The following HMCN1 variants were observed in gnomAD, a reference collection of about 807,000 sequenced individuals.
The protein encoded by HMCN1 is hemicentin 1, also known as hemicentin-1.
HMCN1 carries 321 observed loss-of-function variants against 625.9 expected under a neutral mutation model. That is an observed-to-expected ratio of 0.51 (90% CI 0.47 to 0.56). HMCN1 has a LOEUF of 0.56. HMCN1 is among the 20% of genes least tolerant of loss of function. HMCN1 has a pLI of 0.00. For synonymous variants in HMCN1, 2,425 were observed against 2,417.6 expected (o/e 1.00, Z -0.09); for missense variants, 6,588 against 6,887.3 (o/e 0.96, Z 1.54).
At chr1:186,142,705 C>A (rs1650045710) in intron 89 of HMCN1, among the ~76,000 whole-genome samples, 1 of 151,866 alleles carries the variant, frequency 6.6e-6, no homozygotes, top group Non-Finnish European at 1.5e-5. Flanking sequence ...TCTTGAAGTC[C>A]AATTCTAGTT....
At chr1:185,918,444 GCCCA>G (rs1666838261) in intron 6 of HMCN1, among the ~76,000 whole-genome samples, 1 of 152,100 alleles carries the variant, frequency 6.6e-6, no homozygotes, top group South Asian at 2.1e-4. Flanking sequence ...GCTAGATAGT[GCCCA>G]CCCACCTTGA....
rs769253279 is a variant in HMCN1 at position 186,007,203 on chromosome 1, AAATGAC to A, written c.4554_4559del (p.Asn1518_Asp1519del). 59 of 1,613,306 alleles carry A rather than the reference AAATGAC, an allele frequency of 3.7e-5. No homozygotes were observed. Among genetic ancestry groups the A allele is most frequent in the Non-Finnish European group, 4.8e-5 (57 of 1,179,552 alleles). On this transcript the variant is annotated inframe_deletion, in exon 30 of 107. Transcript: ENST00000271588. ...TCTTACATTTAAAGAATGCACGGAG[AAATGAC>A]AAGGGGCGCTACCAATGTACTGTGT...
At chr1:185,767,612 T>C (rs1316991214) in intron 1 of HMCN1, among the ~76,000 whole-genome samples, 1 of 152,142 alleles carries the variant, frequency 6.6e-6, no homozygotes, top group African/African-American at 2.4e-5. Context: ...TGAGGCTTAG[T>C]GTGTGGAAAG....
At position 186,068,008 on chromosome 1, in the gene HMCN1, G is replaced by T. The variant is rs1658237644; in HGVS notation, c.7879+1G>T. The T allele has an allele frequency of 6.2e-7, 1 of 1,611,944 alleles. No homozygotes were observed. Among genetic ancestry groups the T allele is most frequent in the African/African-American group, 1.3e-5 (1 of 74,848 alleles). ...AACCGAAATATTCGTATTCTTCCAG[G>T]TAATTCATTTGCTTCAGATGTCCAA... On this transcript the variant is annotated splice_donor_variant, in intron 50 of 106. Coordinates refer to ENST00000271588, the MANE Select transcript of HMCN1 (RefSeq NM_031935.3). LOFTEE classifies it high-confidence loss of function.
At chr1:185,751,304 C>T (rs1654799496) in intron 1 of HMCN1, among the ~76,000 whole-genome samples, 1 of 152,086 alleles carries the variant, frequency 6.6e-6, no homozygotes, top group Non-Finnish European at 1.5e-5. Flanking sequence ...AATTCTATAT[C>T]TAACTTAGCC....
intron 15 of HMCN1, 70 bp from the exon 16 acceptor site, chr1:185,977,717 A>G (rs575620684): frequency 2.1e-6 from 2 of 953,574 alleles, no homozygotes; most frequent in East Asian, 2.4e-5. Context: ...ACAGTTTAAT[A>G]TTTAAGTTTA....
rs756002925 is a variant in HMCN1 at position 186,137,702 on chromosome 1, T to C, written c.13753+34T>C. 3 of 1,613,926 alleles carry C rather than the reference T, an allele frequency of 1.9e-6. No homozygotes were observed. The East Asian group carries it at 6.7e-5, about 36-fold the overall frequency. On this transcript the variant is annotated intron_variant, in intron 88 of 106. Transcript: ENST00000271588. ...CCTTATTTAACTGATAGGCATGTGT[T>C]TAATAGACCTTCATTTCTGTCTTCT...
intron 14 of HMCN1, among the ~76,000 whole-genome samples, chr1:185,967,866 G>T (rs1268716394): frequency 6.6e-6 from 1 of 151,970 alleles, no homozygotes; most frequent in African/African-American, 2.4e-5. Context: ...TAAAGTAGGT[G>T]TTTGAAAGAA....
intron 18 of HMCN1, 68 bp downstream of exon 18, chr1:185,982,457 C>G: frequency 9.1e-7 from 1 of 1,102,220 alleles, no homozygotes. Flanking sequence ...TTTTTTTTTT[C>G]TTTGAGACAG....
chr1:186,052,833 C>A (rs1363799146), intron 42 of HMCN1, 119 bp from the exon 43 acceptor site: 8 of 852,150 alleles, frequency 9.4e-6, no homozygotes, highest in Non-Finnish European at 1.2e-5. Flanking sequence ...TTGATGTCAA[C>A]CTCATATGAC....
intron 2 of HMCN1, among the ~76,000 whole-genome samples, chr1:185,850,486 C>G (rs190303315): frequency 3.9e-4 from 59 of 152,154 alleles, no homozygotes; most frequent in African/African-American, 1.3e-3. Flanking sequence ...TGATTGTCTG[C>G]CTGTCCCCTT....
intron 1 of HMCN1, among the ~76,000 whole-genome samples, chr1:185,802,439 A>G (rs1202264624): frequency 6.6e-6 from 1 of 152,206 alleles, no homozygotes; most frequent in African/African-American, 2.4e-5. Context: ...ATTGGCATGG[A>G]TGAAATCACC....
At chr1:185,992,162 A>G (rs1292532331) in intron 22 of HMCN1, among the ~76,000 whole-genome samples, 2 of 152,088 alleles carry the variant, frequency 1.3e-5, no homozygotes, top group East Asian at 3.9e-4. Flanking sequence ...ATTTTTGATA[A>G]TAATCTTTTG....
At chr1:185,964,911 C>A (rs1311778931) in intron 13 of HMCN1, among the ~76,000 whole-genome samples, 4 of 151,770 alleles carry the variant, frequency 2.6e-5, no homozygotes, top group Non-Finnish European at 5.9e-5. Context: ...AAGCTCTGTA[C>A]CTTGTGATAA....
chr1:185,890,179 C>T lies in HMCN1; in HGVS notation c.622-19158C>T, dbSNP rs547146758. 1.3e-3 allele frequency among the ~76,000 whole-genome samples: 197 copies of T among 149,254 alleles called. 1 individual carries two copies. Among genetic ancestry groups the T allele is most frequent in the Non-Finnish European group, 1.9e-3 (129 of 67,984 alleles). On this transcript the variant is annotated intron_variant, in intron 4 of 106. Transcript: ENST00000271588. ...ACATCCCCTTTATCATTTTTTATTG[C>T]GTCTATTTGAGTCTTCTCTCTTTTT...
intron 89 of HMCN1, among the ~76,000 whole-genome samples, chr1:186,138,387 C>T (rs1170525588): frequency 6.6e-6 from 1 of 152,154 alleles, no homozygotes. Flanking sequence ...TCACTAAATA[C>T]TTGCCACATA....
At chr1:186,056,255 T>G (rs1571790428) in intron 45 of HMCN1, among the ~76,000 whole-genome samples, 1 of 152,114 alleles carries the variant, frequency 6.6e-6, no homozygotes, top group East Asian at 1.9e-4. Context: ...AAGACATGCA[T>G]GAAGCTCAGT....
rs1412016397 is a variant in HMCN1 at position 186,189,841 on chromosome 1, T to A, written c.16871T>A (p.Phe5624Tyr). 1 of 1,613,810 alleles carries A rather than the reference T, an allele frequency of 6.2e-7. No homozygotes were observed. Among genetic ancestry groups the A allele is most frequent in the Non-Finnish European group, 8.5e-7 (1 of 1,179,844 alleles). ...GGGACCATTGAATATCAGACCACAT[T>A]CATAGTTTATATAGCTGTGTCCGCC... ...ANGTIEYQTT[F>Y]IVYIAVSAYP... Residue 5624 changes from phenylalanine (F) to tyrosine (Y), a missense_variant, in exon 107 of 107, where the codon TTC becomes TAC. By Grantham distance (22) the Phe-to-Tyr change is conservative. Coordinates refer to ENST00000271588, the MANE Select transcript of HMCN1 (RefSeq NM_031935.3).
intron 34 of HMCN1, among the ~76,000 whole-genome samples, chr1:186,018,604 T>C (rs1174197423): frequency 6.6e-6 from 1 of 151,990 alleles, no homozygotes; most frequent in East Asian, 1.9e-4. Flanking sequence ...AATAAATAAA[T>C]GTAGACAGAA....
Sources: gnomAD v4.1 joint callset for allele counts (sites outside exome capture counted in the v4.1 genomes callset) on GRCh38, gnomAD v4.1.1 for gene constraint, MANE v1.5 for transcripts, NCBI Gene and HGNC (gene_info 2026-07-23, HGNC 2026-07-21) for gene names.